Variants in LRP1B observed in about 807,000 individuals in gnomAD.
LRP1B encodes the protein low-density lipoprotein receptor-related protein 1B.
LRP1B carries 217 observed loss-of-function variants against 556.6 expected under a neutral mutation model. The observed-to-expected ratio is 0.39, with a 90% confidence interval of 0.35 to 0.44. LRP1B has a LOEUF of 0.44. Ranked by LOEUF, LRP1B falls within the 20% of genes least tolerant of loss-of-function variation. LRP1B has a pLI of 1.00. For missense variants in LRP1B, 5,053 were observed against 5,620.8 expected, an observed-to-expected ratio of 0.90 and a Z score of 3.23; for synonymous variants, 2,047 against 1,865.8, an observed-to-expected ratio of 1.10 and a Z score of -2.50.
chr2:140,583,102 T>C (rs1681836772), intron 43 of LRP1B, among the ~76,000 whole-genome samples: 1 of 151,866 alleles, frequency 6.6e-6, no homozygotes, highest in Admixed American at 6.6e-5. Context: ...TGTTGGCATC[T>C]TCATGGAAAT....
chr2:140,248,410 AAATT>A (rs765423939), intron 86 of LRP1B, among the ~76,000 whole-genome samples: 6 of 151,748 alleles, frequency 4.0e-5, no homozygotes, highest in Non-Finnish European at 8.9e-5. Context: ...ATTTAAATGA[AAATT>A]AATATCATTA....
chr2:141,427,234 T>C (rs12691606), intron 3 of LRP1B, among the ~76,000 whole-genome samples: 30,238 of 152,236 alleles, frequency 0.2, 3,678 homozygotes, highest in East Asian at 0.45. Flanking sequence ...GTGAATATCA[T>C]ATATTTATGT....
chr2:141,612,277 C>A (rs1052528620), intron 2 of LRP1B, among the ~76,000 whole-genome samples: 2 of 152,262 alleles, frequency 1.3e-5, no homozygotes, highest in South Asian at 4.1e-4. Flanking sequence ...GAACATTATA[C>A]CAATTGTCCT....
intron 2 of LRP1B, among the ~76,000 whole-genome samples, chr2:141,624,334 C>A (rs538812429): frequency 6.6e-6 from 1 of 152,090 alleles, no homozygotes; most frequent in Admixed American, 6.5e-5. Flanking sequence ...ATTTTATACA[C>A]GGTGAGAATG....
chr2:140,318,173 G>GA (rs554762233), intron 82 of LRP1B, among the ~76,000 whole-genome samples: 13 of 151,652 alleles, frequency 8.6e-5, no homozygotes, highest in East Asian at 1.9e-4. Context: ...GTTAATGTCA[G>GA]AAAAAAAATA....
intron 2 of LRP1B, among the ~76,000 whole-genome samples, chr2:141,549,335 A>G (rs2105226849): frequency 6.6e-6 from 1 of 152,264 alleles, no homozygotes; most frequent in Admixed American, 6.5e-5. Context: ...GTGAGCCCTC[A>G]CTGTTAGCTA....
chr2:140,849,603 G>A (rs1692394482), intron 29 of LRP1B, among the ~76,000 whole-genome samples: 1 of 151,816 alleles, frequency 6.6e-6, no homozygotes, highest in African/African-American at 2.4e-5. Context: ...ACAATGACAT[G>A]ATCTTGGTTC....
chr2:141,083,177 A>G (rs552724943), intron 7 of LRP1B, among the ~76,000 whole-genome samples: 6 of 152,218 alleles, frequency 3.9e-5, no homozygotes, highest in Admixed American at 6.5e-5. Context: ...TGAATCTTTC[A>G]TCTATTTAAA....
chr2:141,733,696 C>A (rs1693362887), intron 2 of LRP1B, among the ~76,000 whole-genome samples: 1 of 152,040 alleles, frequency 6.6e-6, no homozygotes. Context: ...CATGGAGGTC[C>A]TCAAATAGAT....
rs145528886 is a variant in LRP1B, at chr2:141,057,184, C to T, written c.1408+1699G>A. ...GGTTCTTTAAAAATGTCAGTCATAC[C>T]GTGAGATTTTTCTGTTTAATGCTTT... On this transcript the variant is annotated intron_variant, in intron 9 of 90. Coordinates refer to ENST00000389484, the MANE Select transcript of LRP1B (RefSeq NM_018557.3). 5.9e-5 allele frequency among the ~76,000 whole-genome samples: 9 copies of T among 151,886 alleles called. No homozygotes were observed. In the South Asian group the frequency reaches 1.2e-3, roughly 21 times the overall value.
At chr2:140,894,024 G>A (rs560034249) in intron 23 of LRP1B, among the ~76,000 whole-genome samples, 128 of 152,134 alleles carry the variant, frequency 8.4e-4, no homozygotes, top group Non-Finnish European at 1.7e-3. Flanking sequence ...AAAATAGAGA[G>A]ATACTATTAA....
At chr2:140,319,259 C>T (rs1679953407) in intron 82 of LRP1B, among the ~76,000 whole-genome samples, 2 of 150,908 alleles carry the variant, frequency 1.3e-5, no homozygotes, top group Admixed American at 6.6e-5. Flanking sequence ...TGAAACTTGA[C>T]TCTAAACAAT....
intron 7 of LRP1B, among the ~76,000 whole-genome samples, chr2:141,161,360 G>T (rs1015903204): frequency 5.9e-5 from 9 of 152,032 alleles, no homozygotes; most frequent in African/African-American, 1.9e-4. Flanking sequence ...AAGTAAATTT[G>T]TCAAATATCC....
At chr2:140,590,314 T>A (rs1001458976) in intron 43 of LRP1B, among the ~76,000 whole-genome samples, 2 of 145,398 alleles carry the variant, frequency 1.4e-5, no homozygotes, top group Non-Finnish European at 3.0e-5. Flanking sequence ...TATTTATATG[T>A]AATATATAAT....
chr2:141,506,668 A>G (rs927575009), intron 2 of LRP1B, among the ~76,000 whole-genome samples: 4 of 152,082 alleles, frequency 2.6e-5, no homozygotes, highest in African/African-American at 7.2e-5. Flanking sequence ...GGCTCTTTGT[A>G]TTAGTATGTT....
At chr2:140,967,218 C>T (rs923405055) in intron 18 of LRP1B, among the ~76,000 whole-genome samples, 2 of 152,024 alleles carry the variant, frequency 1.3e-5, no homozygotes, top group Non-Finnish European at 2.9e-5. Context: ...TTTTATTTCA[C>T]TGAACAGCGG....
intron 3 of LRP1B, among the ~76,000 whole-genome samples, chr2:141,437,466 G>A (rs901667007): frequency 2.0e-5 from 3 of 151,934 alleles, no homozygotes; most frequent in Non-Finnish European, 4.4e-5. Context: ...TATAAGAACC[G>A]TATGTAAAGA....
intron 7 of LRP1B, among the ~76,000 whole-genome samples, chr2:141,112,879 C>G (rs1325011229): frequency 6.6e-6 from 1 of 151,942 alleles, no homozygotes; most frequent in Non-Finnish European, 1.5e-5. Context: ...TTTTTTAAAC[C>G]TATCAGATTT....
chr2:142,041,985 A>T (rs1574624776), intron 1 of LRP1B, among the ~76,000 whole-genome samples: 1 of 151,512 alleles, frequency 6.6e-6, no homozygotes. Context: ...ATTTTTTATT[A>T]TGGGTAAAAT....
Sources: allele counts gnomAD v4.1 joint callset (sites outside exome capture counted in the v4.1 genomes callset), GRCh38; gene constraint gnomAD v4.1.1; transcripts MANE v1.5; gene names NCBI Gene and HGNC (gene_info 2026-07-23, HGNC 2026-07-21).